The following AXIN1 variants were observed in gnomAD, a reference collection of about 807,000 sequenced individuals.
AXIN1 encodes axin-1.
AXIN1 carries 30 observed loss-of-function variants against 76.4 expected under a neutral mutation model. The ratio of observed to expected loss-of-function variants is 0.39; its 90% CI spans 0.29 to 0.53. The LOEUF is 0.53. AXIN1 is among the 20% of genes least tolerant of loss of function. AXIN1 has a pLI of 0.66. For synonymous variants in AXIN1, 545 were observed against 501.4 expected (o/e 1.09, Z -1.16); for missense variants, 1,140 against 1,198.8 (o/e 0.95, Z 0.72).
chr16:322,323 C>T (rs1476896674), intron 2 of AXIN1, among the ~76,000 whole-genome samples: 6 of 152,194 alleles, frequency 3.9e-5, no homozygotes, highest in African/African-American at 1.2e-4. Context: ...TGCGGTCTAA[C>T]GGGAGGCAAT....
At chr16:291,651 T>C in intron 8 of AXIN1, 1 of 387,176 alleles carries the variant, frequency 2.6e-6, no homozygotes. Flanking sequence ...TCTCTTGGCA[T>C]GAATTCCCCA....
intron 2 of AXIN1, among the ~76,000 whole-genome samples, chr16:330,087 GTCTC>G (rs902665764): frequency 2.7e-5 from 4 of 148,190 alleles, no homozygotes; most frequent in East Asian, 2.0e-4. Flanking sequence ...TTGAGAGAGG[GTCTC>G]TCTCTGTCAA....
intron 2 of AXIN1, among the ~76,000 whole-genome samples, chr16:333,138 G>T (rs2053728482): frequency 6.6e-6 from 1 of 152,132 alleles, no homozygotes; most frequent in Non-Finnish European, 1.5e-5. Context: ...TTTGAGACCA[G>T]CCTGACCAAC....
rs779554451 is a variant in AXIN1 at position 346,171 on chromosome 16, C to T, written c.855G>A (p.Arg285=). 4.3e-6 allele frequency: 7 copies of T among 1,613,732 alleles called. No homozygotes were observed. Among genetic ancestry groups the T allele is most frequent in the Non-Finnish European group, 1.7e-6 (2 of 1,180,038 alleles). ...ACCTGAACTCTCTGCCTTCGCTGTA[C>T]CGTCTACTGGAGGAGACCCTCGGGG... ...TAAPRVSSSR[R]YSEGREFRYG... Residue 285 remains arginine, a synonymous_variant, in exon 2 of 11, where the codon CGG becomes CGA. Coordinates refer to ENST00000262320, the MANE Select transcript of AXIN1 (RefSeq NM_003502.4).
rs1567271790 is a variant in AXIN1, at chr16:304,350, CG to C, written c.1207del (p.Arg403GlyfsTer11). On this transcript the variant is annotated frameshift_variant, in exon 5 of 11. Coordinates refer to ENST00000262320, the MANE Select transcript of AXIN1 (RefSeq NM_003502.4). LOFTEE classifies it high-confidence loss of function. ...CTCCTCCAGCTTCTCCTCGGCCTCC[CG>C]CGTGCGCTGCACAGCCTCCAGGCGG... The part of the protein sequence containing the change: ...IHRLEAVQRT[R>X]EAEEKLEERL... The C allele has an allele frequency of 6.2e-7, 1 of 1,612,582 alleles. No homozygotes were observed. Among genetic ancestry groups the C allele is most frequent in the Admixed American group, 1.7e-5 (1 of 60,016 alleles).
At chr16:308,642 C>G (rs140420717) in intron 4 of AXIN1, among the ~76,000 whole-genome samples, 1 of 152,236 alleles carries the variant, frequency 6.6e-6, no homozygotes, top group East Asian at 1.9e-4. Flanking sequence ...AATCAGAGGC[C>G]GGTGGCTGTG....
chr16:346,226 A>G lies in AXIN1; in HGVS notation c.800T>C (p.Leu267Pro), dbSNP rs200738407. The G allele has an allele frequency of 5.0e-6, 8 of 1,614,070 alleles. No homozygotes were observed. The highest frequency in any genetic ancestry group is 6.8e-6 in the Non-Finnish European group (8 of 1,180,028). Residue 267 changes from leucine (L) to proline (P), a missense_variant, in exon 2 of 11, where the codon CTC becomes CCC. Transcript: ENST00000262320. ...TGTCTCCAGGAGCAGCTTCTGAGGG[A>G]GTCTTCCGGGGGGAGCAGCGTCTCT... is the stretch of plus-strand genomic sequence containing the variant. ...DGRDAAPPGR[L>P]PQKLLLETAA...
intron 2 of AXIN1, 131 bp downstream of exon 2, chr16:346,017 C>G (rs746234571): frequency 3.4e-6 from 3 of 874,924 alleles, no homozygotes; most frequent in Non-Finnish European, 5.5e-6. Flanking sequence ...AAGAACAGAA[C>G]CAAAATTCAA....
chr16:296,289 G>A (rs1407427615), intron 7 of AXIN1, among the ~76,000 whole-genome samples: 1 of 152,292 alleles, frequency 6.6e-6, no homozygotes, highest in Non-Finnish European at 1.5e-5. Flanking sequence ...CAAGTAATGT[G>A]GAGGGAGATG....
At chr16:325,773 A>G (rs968357074) in intron 2 of AXIN1, among the ~76,000 whole-genome samples, 1 of 152,204 alleles carries the variant, frequency 6.6e-6, no homozygotes, top group South Asian at 2.1e-4. Context: ...TGTTAGCTCC[A>G]TCTTCTCTCA....
rs779000870 is a variant in AXIN1, at chr16:309,964, G to A, written c.1116+9C>T. The stretch of plus-strand genomic sequence containing the variant: ...ACGATGGGCTGAGGACCGCAAAGCC[G>A]GTACTTACGGGAATGTGAGGTAGGG... On this transcript the variant is annotated intron_variant, in intron 4 of 10. Coordinates refer to ENST00000262320, the MANE Select transcript of AXIN1 (RefSeq NM_003502.4). The A allele has an allele frequency of 3.2e-5, 51 of 1,612,704 alleles. No homozygotes were observed. The highest frequency in any genetic ancestry group is 1.5e-4 in the Admixed American group (9 of 59,982).
intron 2 of AXIN1, among the ~76,000 whole-genome samples, chr16:321,582 T>C (rs144088727): frequency 1.3e-5 from 2 of 152,256 alleles, no homozygotes; most frequent in East Asian, 1.9e-4. Context: ...GAATACGAGG[T>C]AGAAGGTGGA....
rs763104413 is a variant in AXIN1, at chr16:346,361, C to G, written c.665G>C (p.Ser222Thr). 5.0e-6 allele frequency: 8 copies of G among 1,614,232 alleles called. No homozygotes were observed. The highest frequency in any genetic ancestry group is 6.8e-6 in the Non-Finnish European group (8 of 1,180,042). Residue 222 changes from serine to threonine, a missense_variant, in exon 2 of 11, where the codon AGT becomes ACT. Ser to Thr is a moderately conservative substitution (Grantham distance 58). Around this residue, in one of 3 missense-constraint regions of AXIN1, gnomAD observed 708 missense variants for 776.9 expected, o/e 0.91. Coordinates refer to ENST00000262320, the MANE Select transcript of AXIN1 (RefSeq NM_003502.4). ...RTGSESPKVCSDQSSGSGTGK... is the reference protein window; with the variant it reads ...RTGSESPKVCTDQSSGSGTGK... ...TGTCCCTGACCCAGAGCTCTGGTCA[C>G]TACAGACTTTGGGGCTCTCCGAGCC...
chr16:295,960 C>T (rs565714957), intron 7 of AXIN1, among the ~76,000 whole-genome samples: 2 of 131,842 alleles, frequency 1.5e-5, no homozygotes, highest in Admixed American at 1.4e-4. Context: ...GAGCTAGACT[C>T]CGTCTCAAAA....
At chr16:290,057 G>A (rs1489873969) in intron 9 of AXIN1, 12 of 258,104 alleles carry the variant, frequency 4.6e-5, no homozygotes, top group Non-Finnish European at 8.4e-5. Context: ...GACTGGGGCG[G>A]GGGTGGCCAG....
intron 2 of AXIN1, among the ~76,000 whole-genome samples, chr16:324,676 G>A (rs2053539485): frequency 6.6e-6 from 1 of 152,320 alleles, no homozygotes; most frequent in East Asian, 1.9e-4. Flanking sequence ...AAGCTAAGTC[G>A]TACTTTATAC....
intron 1 of AXIN1, among the ~76,000 whole-genome samples, chr16:349,948 GTCA>G (rs1040227592): frequency 3.9e-5 from 6 of 152,156 alleles, no homozygotes; most frequent in African/African-American, 1.4e-4. Context: ...ACAGGCACGA[GTCA>G]TCAACGCCCG....
At chr16:352,278 C>T in intron 1 of AXIN1, 91 bp downstream of exon 1, 1 of 805,472 alleles carries the variant, frequency 1.2e-6, no homozygotes, top group Non-Finnish European at 1.5e-6. Context: ...CGGTCCCACG[C>T]GCGTCAGCCA....
At chr16:324,904 C>T (rs543030644) in intron 2 of AXIN1, among the ~76,000 whole-genome samples, 1 of 152,216 alleles carries the variant, frequency 6.6e-6, no homozygotes, top group Non-Finnish European at 1.5e-5. Context: ...CAGCAGCGCC[C>T]GGTGCACAGT....
Sources: gnomAD v4.1 joint callset for allele counts (sites outside exome capture counted in the v4.1 genomes callset) on GRCh38, gnomAD v4.1.1 for gene constraint, gnomAD v4.1.1 regional missense constraint, MANE v1.5 for transcripts, NCBI Gene and HGNC (gene_info 2026-07-23, HGNC 2026-07-21) for gene names.